ANKS1B: variants seen among roughly 807,000 people sequenced by gnomAD.
The protein encoded by ANKS1B is ankyrin repeat and sterile alpha motif domain-containing protein 1B.
A neutral mutation model predicts 148.3 loss-of-function variants in ANKS1B; 36 were observed. The ratio of observed to expected loss-of-function variants is 0.24; its 90% CI spans 0.19 to 0.32. The LOEUF is 0.32. Among genes scored for constraint, ANKS1B ranks in the 10% least tolerant of loss-of-function variants. The pLI is 1.00. For synonymous variants in ANKS1B, 542 were observed against 560.8 expected, an observed-to-expected ratio of 0.97 and a Z score of 0.47; for missense variants, 1,157 against 1,542.6, an observed-to-expected ratio of 0.75 and a Z score of 4.19.
At chr12:99,688,275 T>C (rs772209769) in intron 8 of ANKS1B, among the ~76,000 whole-genome samples, 5 of 152,230 alleles carry the variant, frequency 3.3e-5, no homozygotes, top group African/African-American at 4.8e-5. Flanking sequence ...ACCTGAAATC[T>C]AAACTCTGTC....
At position 98,816,484 on chromosome 12, in the gene ANKS1B, C is replaced by T. The variant is rs368376253; in HGVS notation, c.3067-8566G>A. On this transcript the variant is annotated intron_variant, in intron 19 of 26. Coordinates refer to ENST00000683438, the MANE Select transcript of ANKS1B (RefSeq NM_001352186.2). Reference sequence around the variant, plus strand: ...CTAATTTTTGTATTTTTAGTAGAGACGGGGTTTCGCCATGTTGGCCAGGTC... The same window carrying T: ...CTAATTTTTGTATTTTTAGTAGAGATGGGGTTTCGCCATGTTGGCCAGGTC... 5.9e-5 allele frequency among the ~76,000 whole-genome samples: 9 copies of T among 152,164 alleles called. No homozygotes were observed. In the South Asian group the frequency reaches 8.3e-4, roughly 14 times the overall value.
chr12:99,658,955 CAATA>C (rs2098463156), intron 8 of ANKS1B, among the ~76,000 whole-genome samples: 2 of 152,028 alleles, frequency 1.3e-5, no homozygotes, highest in African/African-American at 4.8e-5. Context: ...CATAATGAAA[CAATA>C]AATATTTATT....
At chr12:99,687,687 T>G (rs1019409562) in intron 8 of ANKS1B, among the ~76,000 whole-genome samples, 1 of 152,212 alleles carries the variant, frequency 6.6e-6, no homozygotes, top group Admixed American at 6.5e-5. Flanking sequence ...CATTTTTTTC[T>G]TACACTTCTC....
At chr12:98,804,712 G>C (rs776079839) in intron 20 of ANKS1B, among the ~76,000 whole-genome samples, 1 of 152,204 alleles carries the variant, frequency 6.6e-6, no homozygotes, top group South Asian at 2.1e-4. Context: ...ACGTAGAGTA[G>C]TTACTATATG....
At chr12:99,212,311 C>T (rs912096652) in intron 14 of ANKS1B, among the ~76,000 whole-genome samples, 2 of 151,994 alleles carry the variant, frequency 1.3e-5, no homozygotes, top group African/African-American at 4.8e-5. Flanking sequence ...AACCAACAAT[C>T]TTCTATAATT....
chr12:99,136,522 A>C (rs1263535416), intron 15 of ANKS1B, among the ~76,000 whole-genome samples: 2 of 152,216 alleles, frequency 1.3e-5, no homozygotes, highest in African/African-American at 4.8e-5. Context: ...GTGGGCTAAG[A>C]TTCAGTTTGC....
chr12:99,735,352 T>C (rs1382633479), intron 8 of ANKS1B, among the ~76,000 whole-genome samples: 1 of 151,818 alleles, frequency 6.6e-6, no homozygotes, highest in Non-Finnish European at 1.5e-5. Flanking sequence ...AAAGATAAAA[T>C]TGGTAAACCA....
downstream of ANKS1B, among the ~76,000 whole-genome samples, chr12:98,741,593 C>T (rs573939375): frequency 2.0e-5 from 3 of 152,314 alleles, no homozygotes; most frequent in East Asian, 5.8e-4. Flanking sequence ...CCCCCTCACT[C>T]ATGTCACCTG....
At chr12:99,571,418 A>G (rs1265448872) in intron 9 of ANKS1B, among the ~76,000 whole-genome samples, 1 of 152,068 alleles carries the variant, frequency 6.6e-6, no homozygotes, top group African/African-American at 2.4e-5. Flanking sequence ...AATTAGGTCA[A>G]AAATCACAAC....
At chr12:99,634,901 A>C (rs1379198090) in intron 9 of ANKS1B, among the ~76,000 whole-genome samples, 2 of 152,210 alleles carry the variant, frequency 1.3e-5, no homozygotes, top group Non-Finnish European at 2.9e-5. Context: ...AGAATATATA[A>C]GAAACTCCTA....
intron 11 of ANKS1B, among the ~76,000 whole-genome samples, chr12:99,403,591 T>C (rs1374925945): frequency 6.9e-6 from 1 of 145,468 alleles, no homozygotes; most frequent in Non-Finnish European, 1.5e-5. Context: ...GGGTTGTCTG[T>C]TTACTCTGTT....
At chr12:98,951,421 A>G (rs1001971976) in intron 17 of ANKS1B, among the ~76,000 whole-genome samples, 2 of 152,054 alleles carry the variant, frequency 1.3e-5, no homozygotes, top group Admixed American at 1.3e-4. Flanking sequence ...CCAATATTCT[A>G]TTGTGTCTCT....
At chr12:99,414,474 C>T (rs1055120645) in intron 11 of ANKS1B, among the ~76,000 whole-genome samples, 3 of 152,120 alleles carry the variant, frequency 2.0e-5, no homozygotes, top group Admixed American at 2.0e-4. Context: ...AAATGTGGCA[C>T]AGATACACCA....
chr12:99,400,134 T>C (rs1042901491), intron 11 of ANKS1B, among the ~76,000 whole-genome samples: 1 of 150,258 alleles, frequency 6.7e-6, no homozygotes, highest in African/African-American at 2.5e-5. Context: ...TAAGTCACCT[T>C]TCATTCAACT....
intron 15 of ANKS1B, among the ~76,000 whole-genome samples, chr12:99,114,886 A>G (rs2061024300): frequency 6.6e-6 from 1 of 152,166 alleles, no homozygotes; most frequent in African/African-American, 2.4e-5. Flanking sequence ...GCTCATTATC[A>G]CTGATCATTA....
At chr12:99,699,957 G>A (rs967910250) in intron 8 of ANKS1B, among the ~76,000 whole-genome samples, 3 of 152,030 alleles carry the variant, frequency 2.0e-5, no homozygotes, top group African/African-American at 7.2e-5. Context: ...GAAAGTAAAA[G>A]GTTTTCCTTT....
intron 12 of ANKS1B, among the ~76,000 whole-genome samples, chr12:99,280,444 G>T (rs1214270046): frequency 6.6e-6 from 1 of 152,140 alleles, no homozygotes; most frequent in Admixed American, 6.5e-5. Flanking sequence ...CACAATTTAT[G>T]TAAGCACAAG....
At chr12:99,202,528 T>C (rs1283732001) in intron 14 of ANKS1B, among the ~76,000 whole-genome samples, 1 of 152,234 alleles carries the variant, frequency 6.6e-6, no homozygotes, top group Non-Finnish European at 1.5e-5. Flanking sequence ...TTGGAGGCAT[T>C]CCATTCTATA....
intron 17 of ANKS1B, among the ~76,000 whole-genome samples, chr12:98,890,565 T>C (rs577299979): frequency 1.3e-5 from 2 of 152,318 alleles, no homozygotes; most frequent in African/African-American, 4.8e-5. Context: ...TCTTGATGTC[T>C]AAACATAGGG....
Sources: gnomAD v4.1 joint callset for allele counts (sites outside exome capture counted in the v4.1 genomes callset) on GRCh38, gnomAD v4.1.1 for gene constraint, MANE v1.5 for transcripts, NCBI Gene and HGNC (gene_info 2026-07-23, HGNC 2026-07-21) for gene names.